ANKRD6: variants seen among roughly 807,000 people sequenced by gnomAD.
ANKRD6 encodes the protein ankyrin repeat domain 6.
In ANKRD6, 56 loss-of-function variants were observed where a neutral mutation model predicts 82.3. That is an observed-to-expected ratio of 0.68 (90% CI 0.55 to 0.85). The LOEUF is 0.85. Ranked by LOEUF, ANKRD6 falls within the 40% of genes least tolerant of loss-of-function variation. ANKRD6 has a pLI of 0.00. For synonymous variants in ANKRD6, 347 were observed against 352.1 expected, an observed-to-expected ratio of 0.99 and a Z score of 0.16; for missense variants, 852 against 907.6, an observed-to-expected ratio of 0.94 and a Z score of 0.79.
chr6:89,478,107 A>G (rs919381630), intron 1 of ANKRD6: 3 of 152,094 alleles, frequency 2.0e-5, no homozygotes, highest in Non-Finnish European at 2.9e-5. Flanking sequence ...CCTTGATCCA[A>G]TATGATTGGT....
At chr6:89,584,344 T>C (rs1486076840) in intron 2 of ANKRD6, among the ~76,000 whole-genome samples, 1 of 152,228 alleles carries the variant, frequency 6.6e-6, no homozygotes, top group Non-Finnish European at 1.5e-5. Context: ...GGGCCTCTGC[T>C]CAGATGCCAG....
At chr6:89,594,316 A>G (rs1056704434) in intron 2 of ANKRD6, among the ~76,000 whole-genome samples, 1 of 152,138 alleles carries the variant, frequency 6.6e-6, no homozygotes, top group Non-Finnish European at 1.5e-5. Context: ...TTGGCTGGGC[A>G]TGGTGACACA....
At chr6:89,608,377 T>C (rs1254855912) in intron 5 of ANKRD6, among the ~76,000 whole-genome samples, 2 of 102,536 alleles carry the variant, frequency 2.0e-5, no homozygotes, top group Non-Finnish European at 4.1e-5. Context: ...ACTATATATA[T>C]ATATATATGT....
chr6:89,565,033 C>T (rs1310372242), intron 1 of ANKRD6, among the ~76,000 whole-genome samples: 2 of 152,180 alleles, frequency 1.3e-5, no homozygotes, highest in Non-Finnish European at 2.9e-5. Context: ...AGAGGCAGCG[C>T]ACCTATGTTT....
intron 1 of ANKRD6, among the ~76,000 whole-genome samples, chr6:89,485,250 C>T (rs545868460): frequency 9.8e-5 from 15 of 152,294 alleles, no homozygotes; most frequent in Admixed American, 2.6e-4. Flanking sequence ...GATGCCAATA[C>T]GCTCAGTGTC....
intron 1 of ANKRD6, among the ~76,000 whole-genome samples, chr6:89,525,636 C>G (rs1041947622): frequency 3.3e-5 from 5 of 152,158 alleles, no homozygotes; most frequent in African/African-American, 1.2e-4. Flanking sequence ...CTCACTGGGC[C>G]TGTATCATAG....
intron 1 of ANKRD6, among the ~76,000 whole-genome samples, chr6:89,508,445 G>A (rs1780132713): frequency 6.6e-6 from 1 of 152,344 alleles, no homozygotes; most frequent in African/African-American, 2.4e-5. Context: ...ACTTGCCATA[G>A]CATCCCAGCC....
intron 2 of ANKRD6, among the ~76,000 whole-genome samples, chr6:89,579,836 T>G (rs774867611): frequency 4.0e-5 from 6 of 151,228 alleles, no homozygotes; most frequent in Non-Finnish European, 8.8e-5. Flanking sequence ...CTATCAGCTT[T>G]TTGGAGTAGA....
Position 89,524,389 on chromosome 6 carries a change from G to A in ANKRD6, c.-143-42445G>A, listed in dbSNP as rs544056729. On this transcript the variant is annotated intron_variant, in intron 1 of 15. Transcript: ENST00000339746. ...CTCCCACTTACAAGTGAGAACATAC[G>A]ATATTTGCTTTTCCAATCCTGAGTT... 3.3e-5 allele frequency among the ~76,000 whole-genome samples: 5 copies of A among 152,066 alleles called. No individual in the cohort carries two copies. In the East Asian group the frequency reaches 5.8e-4, roughly 18 times the overall value.
intron 8 of ANKRD6, chr6:89,616,862 G>A (rs994653209): frequency 1.5e-6 from 1 of 680,930 alleles, no homozygotes; most frequent in Non-Finnish European, 2.7e-6. Flanking sequence ...AAGCCTTGGG[G>A]CCTGCTTTTA....
chr6:89,445,239 CG>C (rs1390923330), intron 1 of ANKRD6, among the ~76,000 whole-genome samples: 1 of 137,722 alleles, frequency 7.3e-6, no homozygotes, highest in Non-Finnish European at 1.6e-5. Flanking sequence ...AAAATTGTTT[CG>C]GTGATCTGTG....
intron 2 of ANKRD6, among the ~76,000 whole-genome samples, chr6:89,591,474 T>A (rs1794898918): frequency 6.6e-6 from 1 of 152,190 alleles, no homozygotes; most frequent in South Asian, 2.1e-4. Context: ...CCTAGGGGCA[T>A]GGAAATGGAA....
At position 89,606,076 on chromosome 6, in the gene ANKRD6, G is replaced by A. The variant is rs375580615; in HGVS notation, c.388G>A (p.Ala130Thr). The change falls in exon 5 of 16, where the codon GCA (alanine) becomes ACA (threonine). Residue 130 changes from alanine (A) to threonine (T), a missense_variant. Transcript: ENST00000339746. ...FSQSAKLLIK[A>T]GANVLAKNKA... is the part of the protein sequence containing the mutation. Reference sequence around the variant, plus strand: ...CCAGTCAGCCAAGCTGCTCATTAAAGCAGGAGCCAACGTGCTTGCCAAGAA... The same window carrying A: ...CCAGTCAGCCAAGCTGCTCATTAAAACAGGAGCCAACGTGCTTGCCAAGAA... The A allele has an allele frequency of 5.7e-6, 9 of 1,582,808 alleles. No individual in the cohort carries two copies. The highest frequency in any genetic ancestry group is 7.7e-6 in the Non-Finnish European group (9 of 1,163,858).
chr6:89,579,457 G>A (rs1181031914), intron 2 of ANKRD6, among the ~76,000 whole-genome samples: 1 of 152,152 alleles, frequency 6.6e-6, no homozygotes, highest in African/African-American at 2.4e-5. Flanking sequence ...GATAATCTCA[G>A]CCTCATGAGA....
chr6:89,462,801 T>C (rs1262376607), intron 1 of ANKRD6, among the ~76,000 whole-genome samples: 3 of 152,170 alleles, frequency 2.0e-5, no homozygotes, highest in Admixed American at 6.6e-5. Flanking sequence ...TTTTTAGAGA[T>C]GTTTTTACAT....
intron 1 of ANKRD6, among the ~76,000 whole-genome samples, chr6:89,560,595 G>T (rs36010284): frequency 6.6e-6 from 1 of 152,274 alleles, no homozygotes; most frequent in African/African-American, 2.4e-5. Context: ...AGGCTGAGGC[G>T]TTTGGATCAC....
intron 1 of ANKRD6, among the ~76,000 whole-genome samples, chr6:89,537,891 A>AAG (rs1554229845): frequency 6.6e-6 from 1 of 150,738 alleles, no homozygotes; most frequent in Admixed American, 6.6e-5. Flanking sequence ...AAAAAAAAAA[A>AAG]AAAAAAAAAG....
rs553442191 is a variant in ANKRD6 at position 89,571,938 on chromosome 6, C to G, written c.120+4842C>G. On this transcript the variant is annotated intron_variant, in intron 2 of 15. Coordinates refer to ENST00000339746, the MANE Select transcript of ANKRD6 (RefSeq NM_001242809.2). ...ACCTATTTATCCCCTTCCCTCCTCC[C>G]ACCCCAATCCCTGGCAACCACTGGA... 6.6e-5 allele frequency among the ~76,000 whole-genome samples: 10 copies of G among 152,320 alleles called. No homozygotes were observed. In the East Asian group the frequency reaches 1.7e-3, roughly 26 times the overall value.
intron 2 of ANKRD6, among the ~76,000 whole-genome samples, chr6:89,576,744 G>A (rs1468259471): frequency 6.6e-6 from 1 of 151,992 alleles, no homozygotes; most frequent in Non-Finnish European, 1.5e-5. Flanking sequence ...TCCCCAAGGT[G>A]CCTTCTCCAT....
Sources: gnomAD v4.1 joint callset for allele counts (sites outside exome capture counted in the v4.1 genomes callset) on GRCh38, gnomAD v4.1.1 for gene constraint, MANE v1.5 for transcripts, NCBI Gene and HGNC (gene_info 2026-07-23, HGNC 2026-07-21) for gene names.